The following HEXA variants were observed in gnomAD, a reference collection of about 807,000 sequenced individuals.
HEXA encodes the protein beta-hexosaminidase subunit alpha.
In HEXA, 54 loss-of-function variants were observed where a neutral mutation model predicts 73.3. The ratio of observed to expected loss-of-function variants is 0.74; its 90% CI spans 0.59 to 0.92. The LOEUF (loss-of-function observed/expected upper bound fraction) is 0.92. Ranked by LOEUF, HEXA falls within the 40% of genes least tolerant of loss-of-function variation. The pLI, the probability that HEXA is intolerant of heterozygous loss-of-function variation, is 0.00. For synonymous variants in HEXA, 230 were observed against 246.9 expected, an observed-to-expected ratio of 0.93 and a Z score of 0.64; for missense variants, 649 against 653.0, an observed-to-expected ratio of 0.99 and a Z score of 0.07.
chr15:72,347,356 C>T (rs12910617), intron 10 of HEXA, among the ~76,000 whole-genome samples: 1 of 150,718 alleles, frequency 6.6e-6, no homozygotes, highest in Non-Finnish European at 1.5e-5. Context: ...ACAGCAACCT[C>T]TGCCTCCTGG....
chr15:72,347,609 T>C (rs1203153128), intron 10 of HEXA, 77 bp downstream of exon 10: 3 of 1,139,016 alleles, frequency 2.6e-6, no homozygotes, highest in African/African-American at 3.0e-5. Flanking sequence ...GATCAGTCTC[T>C]GTAGAGGCAG....
chr15:72,370,517 C>T lies in HEXA; in HGVS notation c.253+5203G>A, dbSNP rs1332959332. Reference sequence around the variant, plus strand: ...ACCAGCCTGGGCAACACAGTAAGACCCCCATCTCTACAAAATGCAAAAAAT... The same window carrying T: ...ACCAGCCTGGGCAACACAGTAAGACTCCCATCTCTACAAAATGCAAAAAAT... On this transcript the variant is annotated intron_variant, in intron 1 of 13. Transcript: ENST00000268097. 1.0e-4 allele frequency: 41 copies of T among 396,096 alleles called. No individual in the cohort carries two copies. The East Asian group carries it at 1.4e-3, about 13-fold the overall frequency. 24.5% of individuals were successfully genotyped at this position (396,096 alleles called of 1,614,324 possible). A position where few individuals can be genotyped will look rare whatever the true frequency, so the allele number is the denominator to read the frequency against.
At chr15:72,375,676 G>C in intron 1 of HEXA, 44 bp downstream of exon 1, 1 of 1,611,314 alleles carries the variant, frequency 6.2e-7, no homozygotes, top group Non-Finnish European at 8.5e-7. Context: ...CCCCAGGCAG[G>C]CACTCTCAGG....
At chr15:72,355,330 G>A in intron 3 of HEXA, 2 of 548,878 alleles carry the variant, frequency 3.6e-6, no homozygotes, top group Admixed American at 2.6e-5. Flanking sequence ...GTTCAAGACT[G>A]GCCTGGGCAA....
chr15:72,353,385 C>T (rs1225878422), intron 4 of HEXA, among the ~76,000 whole-genome samples: 1 of 152,182 alleles, frequency 6.6e-6, no homozygotes, highest in Non-Finnish European at 1.5e-5. Flanking sequence ...CAGCCTAATA[C>T]AACTGTCCCA....
intron 1 of HEXA, among the ~76,000 whole-genome samples, chr15:72,368,033 C>T (rs1045949086): frequency 7.2e-5 from 11 of 152,058 alleles, no homozygotes; most frequent in African/African-American, 2.7e-4. Flanking sequence ...TCTTTAAGGA[C>T]GGGGAAGTTC....
intron 1 of HEXA, among the ~76,000 whole-genome samples, chr15:72,362,629 A>G (rs990929682): frequency 1.7e-4 from 26 of 152,210 alleles, no homozygotes; most frequent in Admixed American, 1.4e-3. Context: ...TGCTAAGAAG[A>G]CGCCCAGACT....
At position 72,369,120 on chromosome 15, in the gene HEXA, C is replaced by T. The variant is rs765416740; in HGVS notation, c.253+6600G>A. On this transcript the variant is annotated intron_variant, in intron 1 of 13. Transcript: ENST00000268097. Reference sequence around the variant, plus strand: ...TACAGCAGTTGGCTGGGGATCAGGGCTGAGTGTGTGGCCAGGAAGCTTAAG... The same window carrying T: ...TACAGCAGTTGGCTGGGGATCAGGGTTGAGTGTGTGGCCAGGAAGCTTAAG... Among the ~76,000 whole-genome samples the T allele has an allele frequency of 6.6e-5, 10 of 152,314 alleles. No individual in the cohort carries two copies. In the South Asian group the frequency reaches 1.2e-3, roughly 19 times the overall value.
At chr15:72,372,169 C>T (rs1293928199) in intron 1 of HEXA, among the ~76,000 whole-genome samples, 1 of 151,930 alleles carries the variant, frequency 6.6e-6, no homozygotes, top group Non-Finnish European at 1.5e-5. Context: ...CCCATCGCTA[C>T]TAAACCCCGT....
chr15:72,347,604 G>A, intron 10 of HEXA, 82 bp downstream of exon 10: 7 of 1,091,788 alleles, frequency 6.4e-6, no homozygotes, highest in Admixed American at 1.7e-5. Flanking sequence ...AGGAGGATCA[G>A]TCTCTGTAGA....
chr15:72,356,009 A>C (rs996277245), intron 2 of HEXA: 4 of 462,694 alleles, frequency 8.6e-6, no homozygotes, highest in African/African-American at 6.0e-5. Flanking sequence ...CGATGCTCCC[A>C]ATGCCTTTGT....
At chr15:72,355,711 C>CT in intron 2 of HEXA, 87 bp from the exon 3 acceptor site, 2 of 880,494 alleles carry the variant, frequency 2.3e-6, no homozygotes, top group Non-Finnish European at 3.7e-6. Context: ...AATCACTGGA[C>CT]TAAAAAAAAA....
At chr15:72,371,416 G>A (rs1185754076) in intron 1 of HEXA, among the ~76,000 whole-genome samples, 1 of 151,860 alleles carries the variant, frequency 6.6e-6, no homozygotes, top group Non-Finnish European at 1.5e-5. Flanking sequence ...AGACCAGCTG[G>A]GGCAACATGG....
rs1022234819 is a variant in HEXA at position 72,345,323 on chromosome 15, A to T, written c.1526+123T>A. 15 of 1,526,582 alleles carry T rather than the reference A, an allele frequency of 9.8e-6. No individual in the cohort carries two copies. In the African/African-American group the frequency reaches 1.6e-4, roughly 17 times the overall value. 94.6% of individuals were successfully genotyped at this position (1,526,582 alleles called of 1,614,324 possible). ...TCGCAGTTGGTTGAATCCGTGGATG[A>T]GGGCTGACTATAAGCCTCTGTAAGT... On this transcript the variant is annotated intron_variant, in intron 13 of 13. Transcript: ENST00000268097.
At chr15:72,348,335 G>A (rs1026897367) in intron 8 of HEXA, among the ~76,000 whole-genome samples, 7 of 152,186 alleles carry the variant, frequency 4.6e-5, no homozygotes, top group African/African-American at 1.7e-4. Flanking sequence ...GGCTGAGAAA[G>A]GCTGAGTCTG....
At chr15:72,371,610 A>T (rs1034934241) in intron 1 of HEXA, among the ~76,000 whole-genome samples, 1 of 151,924 alleles carries the variant, frequency 6.6e-6, no homozygotes, top group South Asian at 2.1e-4. Context: ...AAAAAAAAAA[A>T]AAAGAAAACA....
In HEXA at chr15:72,344,102, C is replaced by G. The variant is rs2088580538; in HGVS notation, c.1565G>C (p.Cys522Ser). The G allele has an allele frequency of 6.2e-7, 1 of 1,613,828 alleles. No individual in the cohort carries two copies. The highest frequency in any genetic ancestry group is 8.5e-7 in the Non-Finnish European group (1 of 1,179,910). Residue 522 changes from cysteine (C) to serine (S), a missense_variant, in exon 14 of 14, where the codon TGT (cysteine) becomes TCT (serine). Coordinates refer to ENST00000268097, the MANE Select transcript of HEXA (RefSeq NM_000520.6). ...TCAGGTCTGTTCAAACTCCTGCTCACAGAAGCCTACATTGAGGGGTTGGGC... is the reference window on the plus strand; with the variant it reads ...TCAGGTCTGTTCAAACTCCTGCTCAGAGAAGCCTACATTGAGGGGTTGGGC... ...VQAQPLNVGFCEQEFEQT is the reference protein window; with the variant it reads ...VQAQPLNVGFSEQEFEQT
At chr15:72,353,262 A>C (rs1240436953) in intron 4 of HEXA, 84 bp from the exon 5 acceptor site, 1 of 837,150 alleles carries the variant, frequency 1.2e-6, no homozygotes, top group Non-Finnish European at 2.0e-6. Context: ...CTCTCCCAGG[A>C]TTCTTAAAAA....
At chr15:72,346,400 G>A (rs1016529841) in intron 11 of HEXA, 75 bp from the exon 12 acceptor site, 1 of 1,488,672 alleles carries the variant, frequency 6.7e-7, no homozygotes, top group Non-Finnish European at 9.4e-7. Context: ...CCTTCCCAAT[G>A]TGGCCCTCAC....
Sources: allele counts gnomAD v4.1 joint callset (sites outside exome capture counted in the v4.1 genomes callset), GRCh38; gene constraint gnomAD v4.1.1; transcripts MANE v1.5; gene names NCBI Gene and HGNC (gene_info 2026-07-23, HGNC 2026-07-21).